The following MARCHF3 variants were observed in gnomAD, a reference collection of about 807,000 sequenced individuals.
MARCHF3 encodes the protein membrane associated ring-CH-type finger 3.
A neutral mutation model predicts 24.2 loss-of-function variants in MARCHF3; 13 were observed. The ratio of observed to expected loss-of-function variants is 0.54; its 90% CI spans 0.35 to 0.85. MARCHF3 has a LOEUF of 0.85. Among genes scored for constraint, MARCHF3 ranks in the 40% least tolerant of loss-of-function variants. The pLI is 0.01. For missense variants in MARCHF3, 276 were observed against 325.0 expected (o/e 0.85, Z 1.16); for synonymous variants, 144 against 137.3 (o/e 1.05, Z -0.34).
intron 1 of MARCHF3, among the ~76,000 whole-genome samples, chr5:126,938,885 A>C (rs896116657): frequency 1.3e-5 from 2 of 152,232 alleles, no homozygotes; most frequent in African/African-American, 4.8e-5. Flanking sequence ...TATTTCTTAT[A>C]TACATAACAA....
At chr5:126,938,763 A>T (rs1043574668) in intron 1 of MARCHF3, among the ~76,000 whole-genome samples, 5 of 152,188 alleles carry the variant, frequency 3.3e-5, no homozygotes, top group Non-Finnish European at 7.3e-5. Context: ...TGTGCTGCTG[A>T]ATTACAGAAA....
chr5:126,944,487 G>A lies in MARCHF3; in HGVS notation c.-56-26260C>T, dbSNP rs542635696. On this transcript the variant is annotated intron_variant, in intron 1 of 4. Coordinates refer to ENST00000308660, the MANE Select transcript of MARCHF3 (RefSeq NM_178450.5). Reference sequence around the variant, plus strand: ...GGTTGTACATGCCCAGGGGGCTGAGGCAGGGGAACTGCTTGAGCCCAGGAA... The same window carrying A: ...GGTTGTACATGCCCAGGGGGCTGAGACAGGGGAACTGCTTGAGCCCAGGAA... Among the ~76,000 whole-genome samples, 3 of 152,294 alleles carry A rather than the reference G, an allele frequency of 2.0e-5. No individual in the cohort carries two copies. The East Asian group carries it at 5.8e-4, about 29-fold the overall frequency.
At chr5:126,892,866 A>AC (rs1460040583) in intron 3 of MARCHF3, among the ~76,000 whole-genome samples, 5 of 151,468 alleles carry the variant, frequency 3.3e-5, no homozygotes, top group African/African-American at 4.9e-5. Context: ...AAGGAATGGT[A>AC]CCAGTTCCTC....
intron 3 of MARCHF3, among the ~76,000 whole-genome samples, chr5:126,906,897 T>A (rs1311701733): frequency 6.6e-6 from 1 of 152,136 alleles, no homozygotes; most frequent in Non-Finnish European, 1.5e-5. Context: ...CTAGTTCTTT[T>A]AATTGTGATG....
intron 1 of MARCHF3, among the ~76,000 whole-genome samples, chr5:126,947,299 G>A (rs369079154): frequency 9.9e-5 from 15 of 152,268 alleles, no homozygotes; most frequent in African/African-American, 3.6e-4. Context: ...AGACATCAGG[G>A]CTCCTTCACT....
chr5:126,959,800 C>G (rs79858313), intron 1 of MARCHF3, among the ~76,000 whole-genome samples: 4 of 152,150 alleles, frequency 2.6e-5, no homozygotes, highest in African/African-American at 9.7e-5. Context: ...GCCGTAATTA[C>G]TATACCTCCA....
chr5:126,906,816 C>T (rs1041357078), intron 3 of MARCHF3, among the ~76,000 whole-genome samples: 7 of 152,038 alleles, frequency 4.6e-5, no homozygotes, highest in Non-Finnish European at 1.0e-4. Flanking sequence ...TCTCTATTTC[C>T]TTCAGTTCTG....
At chr5:126,911,089 C>T (rs958262581) in intron 3 of MARCHF3, among the ~76,000 whole-genome samples, 1 of 152,154 alleles carries the variant, frequency 6.6e-6, no homozygotes, top group Non-Finnish European at 1.5e-5. Flanking sequence ...TTGGTCAGAC[C>T]AGTTGTCTAA....
At chr5:126,997,006 T>C (rs1481675843) in intron 1 of MARCHF3, among the ~76,000 whole-genome samples, 1 of 152,172 alleles carries the variant, frequency 6.6e-6, no homozygotes, top group Non-Finnish European at 1.5e-5. Flanking sequence ...AATTTTACTT[T>C]TGAATTTATA....
intron 1 of MARCHF3, among the ~76,000 whole-genome samples, chr5:126,975,689 G>A (rs1026309238): frequency 6.6e-6 from 1 of 152,194 alleles, no homozygotes; most frequent in East Asian, 1.9e-4. Context: ...CAAAGGCAGA[G>A]TCTGTTGGCA....
At chr5:126,965,079 G>A (rs1184955926) in intron 1 of MARCHF3, among the ~76,000 whole-genome samples, 2 of 150,992 alleles carry the variant, frequency 1.3e-5, no homozygotes, top group South Asian at 2.1e-4. Flanking sequence ...GTTCTAGAAT[G>A]TGTTTCTAAT....
intron 3 of MARCHF3, among the ~76,000 whole-genome samples, chr5:126,904,361 T>C (rs1268339171): frequency 2.7e-5 from 4 of 150,750 alleles, no homozygotes. Context: ...ATGGTATTTC[T>C]AGTTCTAGAT....
At chr5:126,928,657 AT>A (rs1255660140) in intron 1 of MARCHF3, among the ~76,000 whole-genome samples, 2 of 152,058 alleles carry the variant, frequency 1.3e-5, no homozygotes, top group African/African-American at 4.8e-5. Flanking sequence ...ATCCACATAT[AT>A]CTTATCCCAA....
chr5:126,942,778 A>G (rs1749874329), intron 1 of MARCHF3, among the ~76,000 whole-genome samples: 2 of 152,168 alleles, frequency 1.3e-5, no homozygotes, highest in South Asian at 4.1e-4. Flanking sequence ...CTATCTTGGG[A>G]CAGTTCTCTG....
intron 3 of MARCHF3, among the ~76,000 whole-genome samples, chr5:126,913,008 T>A (rs1284659576): frequency 6.6e-6 from 1 of 152,212 alleles, no homozygotes; most frequent in Non-Finnish European, 1.5e-5. Context: ...GTTTCCTTGT[T>A]TAATGACAGT....
At chr5:126,911,236 C>G (rs534427056) in intron 3 of MARCHF3, among the ~76,000 whole-genome samples, 60 of 152,238 alleles carry the variant, frequency 3.9e-4, no homozygotes, top group African/African-American at 1.3e-3. Context: ...TATTCTATTA[C>G]CTTGTGAAGC....
chr5:127,021,736 G>A (rs1752810724), intron 1 of MARCHF3, among the ~76,000 whole-genome samples: 1 of 152,090 alleles, frequency 6.6e-6, no homozygotes, highest in African/African-American at 2.4e-5. Context: ...ACTTAATTAG[G>A]TAGATCACCC....
chr5:126,999,141 C>T (rs963658692), intron 1 of MARCHF3, among the ~76,000 whole-genome samples: 11 of 152,216 alleles, frequency 7.2e-5, no homozygotes, highest in Non-Finnish European at 1.3e-4. Flanking sequence ...TCCTATAATA[C>T]TGGCAGGGTG....
intron 1 of MARCHF3, among the ~76,000 whole-genome samples, chr5:126,925,937 A>C (rs1362440308): frequency 6.6e-6 from 1 of 152,248 alleles, no homozygotes; most frequent in Non-Finnish European, 1.5e-5. Context: ...CATGCTGGTC[A>C]GGATGTCTGA....
Sources: allele counts gnomAD v4.1 joint callset (sites outside exome capture counted in the v4.1 genomes callset), GRCh38; gene constraint gnomAD v4.1.1; transcripts MANE v1.5; gene names NCBI Gene and HGNC (gene_info 2026-07-23, HGNC 2026-07-21).